PCCA: variants seen among roughly 807,000 people sequenced by gnomAD.
PCCA encodes propionyl-CoA carboxylase alpha chain, mitochondrial.
PCCA carries 74 observed loss-of-function variants against 101.3 expected under a neutral mutation model. The ratio of observed to expected loss-of-function variants is 0.73; its 90% CI spans 0.61 to 0.89. PCCA has a LOEUF of 0.89. Among genes scored for constraint, PCCA ranks in the 40% least tolerant of loss-of-function variants. The pLI is 0.00. For missense variants in PCCA, 891 were observed against 907.0 expected, an observed-to-expected ratio of 0.98 and a Z score of 0.23; for synonymous variants, 294 against 313.6, an observed-to-expected ratio of 0.94 and a Z score of 0.66.
intron 10 of PCCA, among the ~76,000 whole-genome samples, 195 bp downstream of exon 10, chr13:100,263,026 A>G (rs906627909): frequency 4.6e-5 from 7 of 152,146 alleles, no homozygotes; most frequent in Admixed American, 2.0e-4. Flanking sequence ...ATGCATTCCT[A>G]AGATAGCCGA....
chr13:100,506,491 T>C (rs1370173982), intron 21 of PCCA, among the ~76,000 whole-genome samples: 2 of 152,358 alleles, frequency 1.3e-5, no homozygotes, highest in East Asian at 3.9e-4. Flanking sequence ...ACTCTGCCTT[T>C]CTGTATTTTA....
At chr13:100,225,250 T>C (rs1264602518) in intron 7 of PCCA, among the ~76,000 whole-genome samples, 1 of 152,224 alleles carries the variant, frequency 6.6e-6, no homozygotes, top group Non-Finnish European at 1.5e-5. Flanking sequence ...ATCTGTTCAA[T>C]GTCAGGTGTG....
chr13:100,133,188 A>T (rs1229068737), intron 4 of PCCA, among the ~76,000 whole-genome samples: 4 of 152,212 alleles, frequency 2.6e-5, no homozygotes, highest in Non-Finnish European at 5.9e-5. Context: ...CTTATTTGCC[A>T]TCCATGTATC....
chr13:100,186,597 T>A (rs1008999662), intron 6 of PCCA, among the ~76,000 whole-genome samples: 4 of 151,486 alleles, frequency 2.6e-5, no homozygotes, highest in Non-Finnish European at 2.9e-5. Flanking sequence ...CAAAAATGGT[T>A]CAGGTGTGGT....
At chr13:100,491,694 G>A in intron 21 of PCCA, 1 of 1,303,782 alleles carries the variant, frequency 7.7e-7, no homozygotes, top group Non-Finnish European at 1.0e-6. Context: ...CTTGGCAGAA[G>A]GTGCTGCGGC....
chr13:100,357,080 C>G (rs1366967621), intron 18 of PCCA, among the ~76,000 whole-genome samples: 1 of 152,052 alleles, frequency 6.6e-6, no homozygotes, highest in South Asian at 2.1e-4. Flanking sequence ...TCTAATGTTT[C>G]CCTTATGAGG....
intron 21 of PCCA, among the ~76,000 whole-genome samples, chr13:100,488,964 A>G (rs1347998339): frequency 6.6e-6 from 1 of 152,020 alleles, no homozygotes; most frequent in Non-Finnish European, 1.5e-5. Context: ...ATCAGGCAAC[A>G]CTACTCTAGA....
chr13:100,394,266 G>T lies in PCCA; in HGVS notation c.1746+25692G>T, dbSNP rs996724616. Among the ~76,000 whole-genome samples, 5 of 152,196 alleles carry T rather than the reference G, an allele frequency of 3.3e-5. No individual in the cohort carries two copies. Among genetic ancestry groups the T allele is most frequent in the African/African-American group, 1.2e-4 (5 of 41,446 alleles). ...CTCGCTTCAAACGGGTTTCTTCAAAGAAAGAGGGGTTTAGGGTTCTATGTT... is the reference window on the plus strand; with the variant it reads ...CTCGCTTCAAACGGGTTTCTTCAAATAAAGAGGGGTTTAGGGTTCTATGTT... On this transcript the variant is annotated intron_variant, in intron 19 of 23. Coordinates refer to ENST00000376285, the MANE Select transcript of PCCA (RefSeq NM_000282.4). The surrounding 1 kb of genome is among the most constrained non-coding windows in gnomAD (Gnocchi z 4.3).
At chr13:100,154,579 T>G (rs1168533229) in intron 4 of PCCA, 2 of 289,842 alleles carry the variant, frequency 6.9e-6, no homozygotes. Context: ...TTATCCCAAC[T>G]TCCTGGGGAG....
chr13:100,400,959 C>A (rs974730880), intron 19 of PCCA, among the ~76,000 whole-genome samples: 1 of 151,926 alleles, frequency 6.6e-6, no homozygotes, highest in Non-Finnish European at 1.5e-5. Context: ...GTAATGATGT[C>A]TTTTTCTTCT....
chr13:100,377,127 T>A (rs907550140), intron 19 of PCCA, among the ~76,000 whole-genome samples: 10 of 152,160 alleles, frequency 6.6e-5, no homozygotes, highest in African/African-American at 1.9e-4. Context: ...AGCTTGCCCT[T>A]TGTGGGCTGC....
intron 1 of PCCA, among the ~76,000 whole-genome samples, chr13:100,095,168 C>T (rs1223106713): frequency 1.3e-5 from 2 of 152,146 alleles, no homozygotes; most frequent in Non-Finnish European, 2.9e-5. Context: ...TTCTCCTCCT[C>T]CTTCTTGTGC....
intron 21 of PCCA, among the ~76,000 whole-genome samples, chr13:100,481,649 G>A (rs891264284): frequency 2.6e-5 from 4 of 152,154 alleles, no homozygotes; most frequent in African/African-American, 9.7e-5. Flanking sequence ...TGGTGGGGGT[G>A]TCTACAGCGT....
chr13:100,208,492 C>T (rs999701801), intron 6 of PCCA, among the ~76,000 whole-genome samples: 5 of 152,152 alleles, frequency 3.3e-5, no homozygotes, highest in Non-Finnish European at 5.9e-5. Flanking sequence ...TGGTTTTTCC[C>T]ATTTTATATT....
chr13:100,483,971 C>T (rs1458725711), intron 21 of PCCA, among the ~76,000 whole-genome samples: 2 of 152,128 alleles, frequency 1.3e-5, no homozygotes, highest in Non-Finnish European at 2.9e-5. Flanking sequence ...ATCTGGGTTT[C>T]AGTTTCACAA....
intron 21 of PCCA, among the ~76,000 whole-genome samples, chr13:100,468,706 G>A (rs1349129540): frequency 6.6e-6 from 1 of 152,098 alleles, no homozygotes; most frequent in African/African-American, 2.4e-5. Flanking sequence ...TGAATGTTGT[G>A]GCTGGTTTGA....
intron 20 of PCCA, among the ~76,000 whole-genome samples, chr13:100,441,702 A>G (rs1270059830): frequency 6.6e-6 from 1 of 152,216 alleles, no homozygotes; most frequent in East Asian, 1.9e-4. Context: ...TTTGCAGAAA[A>G]TATTTTAATA....
intron 21 of PCCA, among the ~76,000 whole-genome samples, chr13:100,511,305 C>T (rs900714532): frequency 6.6e-6 from 1 of 152,194 alleles, no homozygotes; most frequent in African/African-American, 2.4e-5. Flanking sequence ...TGAGTTAGGA[C>T]AGTAGACCTT....
chr13:100,409,071 A>G (rs1040897157), intron 19 of PCCA, among the ~76,000 whole-genome samples: 9 of 152,238 alleles, frequency 5.9e-5, no homozygotes, highest in Admixed American at 1.3e-4. Context: ...CCCTTGGACC[A>G]TGTGTCCAAG....
Sources: gnomAD v4.1 joint callset for allele counts (sites outside exome capture counted in the v4.1 genomes callset) on GRCh38, gnomAD v4.1.1 for gene constraint, Gnocchi (gnomAD v3.1) non-coding constraint, MANE v1.5 for transcripts, NCBI Gene and HGNC (gene_info 2026-07-23, HGNC 2026-07-21) for gene names.